The following THUMPD2 variants were observed in gnomAD, a reference collection of about 807,000 sequenced individuals.
THUMPD2 encodes U6 snRNA (guanine-N(2))-methyltransferase THUMPD2.
A neutral mutation model predicts 49.4 loss-of-function variants in THUMPD2; 56 were observed. That is an observed-to-expected ratio of 1.13 (90% CI 0.91 to 1.41). The LOEUF (loss-of-function observed/expected upper bound fraction) is 1.41, where lower values mean the gene tolerates loss of function less well. Ranked by LOEUF, THUMPD2 falls within the 40% of genes most tolerant of loss-of-function variation. The pLI is 0.00. For synonymous variants in THUMPD2, 237 were observed against 205.2 expected, an observed-to-expected ratio of 1.15 and a Z score of -1.32; for missense variants, 709 against 594.5, an observed-to-expected ratio of 1.19 and a Z score of -2.00.
intron 9 of THUMPD2, among the ~76,000 whole-genome samples, chr2:39,738,381 G>A (rs144704534): frequency 6.6e-6 from 1 of 152,060 alleles, no homozygotes; most frequent in African/African-American, 2.4e-5. Context: ...TGGGCAACAT[G>A]GCAAAACATG....
At chr2:39,750,140 G>A (rs1675193723) in intron 8 of THUMPD2, among the ~76,000 whole-genome samples, 1 of 152,132 alleles carries the variant, frequency 6.6e-6, no homozygotes, top group South Asian at 2.1e-4. Context: ...GGGTCAAATG[G>A]TATTTCTGCC....
At chr2:39,776,385 C>A (rs1248282155) in intron 1 of THUMPD2, among the ~76,000 whole-genome samples, 2 of 145,150 alleles carry the variant, frequency 1.4e-5, no homozygotes, top group Non-Finnish European at 1.5e-5. Context: ...CATAGAGACT[C>A]AGTATACTAT....
intron 3 of THUMPD2, 128 bp downstream of exon 3, chr2:39,769,582 A>T: frequency 1.1e-6 from 1 of 907,554 alleles, no homozygotes; most frequent in East Asian, 2.8e-5. Flanking sequence ...CACACCTGTG[A>T]TCCCAGCTAC....
intron 1 of THUMPD2, among the ~76,000 whole-genome samples, chr2:39,772,379 G>C (rs1196387483): frequency 6.6e-6 from 1 of 152,212 alleles, no homozygotes; most frequent in African/African-American, 2.4e-5. Flanking sequence ...TGACAGCACT[G>C]AATTAGCTGG....
intron 6 of THUMPD2, among the ~76,000 whole-genome samples, chr2:39,757,571 T>G (rs1002017474): frequency 6.6e-6 from 1 of 152,218 alleles, no homozygotes; most frequent in African/African-American, 2.4e-5. Context: ...GCTGTGCTCC[T>G]TCTCTCCCAT....
chr2:39,773,912 G>A (rs950205204), intron 1 of THUMPD2, among the ~76,000 whole-genome samples: 1 of 152,156 alleles, frequency 6.6e-6, no homozygotes, highest in African/African-American at 2.4e-5. Flanking sequence ...GCAGGTCCTT[G>A]AATAACACTG....
At chr2:39,770,163 G>C (rs1678120154) in intron 2 of THUMPD2, 44 bp from the exon 3 acceptor site, 1 of 1,343,980 alleles carries the variant, frequency 7.4e-7, no homozygotes, top group Admixed American at 3.1e-5. Flanking sequence ...AAGCTTTAAA[G>C]ACCATCTATT....
chr2:39,752,955 T>C (rs573343696), intron 8 of THUMPD2, among the ~76,000 whole-genome samples: 1 of 152,188 alleles, frequency 6.6e-6, no homozygotes, highest in African/African-American at 2.4e-5. Flanking sequence ...ACTCATGCAC[T>C]GGATCCCATC....
At chr2:39,746,889 CTGTT>C (rs1674669371) in intron 8 of THUMPD2, among the ~76,000 whole-genome samples, 1 of 151,104 alleles carries the variant, frequency 6.6e-6, no homozygotes, top group South Asian at 2.1e-4. Flanking sequence ...CTTGTTCTTT[CTGTT>C]TATTGTCCAG....
chr2:39,777,011 T>C (rs72938145), intron 1 of THUMPD2, among the ~76,000 whole-genome samples: 4,054 of 152,332 alleles, frequency 0.027, 173 homozygotes, highest in African/African-American at 0.091. Flanking sequence ...TAATCTGTTT[T>C]GTAAATTTAC....
At chr2:39,765,215 A>C (rs989712672) in intron 5 of THUMPD2, among the ~76,000 whole-genome samples, 3 of 152,132 alleles carry the variant, frequency 2.0e-5, no homozygotes, top group African/African-American at 7.2e-5. Context: ...GCTGGAGTGC[A>C]ATGGCATGAT....
intron 1 of THUMPD2, among the ~76,000 whole-genome samples, chr2:39,777,920 C>A (rs1471267052): frequency 6.6e-6 from 1 of 152,078 alleles, no homozygotes; most frequent in East Asian, 1.9e-4. Flanking sequence ...CTCTTTCATA[C>A]CAAGCACTCT....
intron 9 of THUMPD2, among the ~76,000 whole-genome samples, chr2:39,741,913 C>G (rs1014137162): frequency 6.6e-6 from 1 of 151,872 alleles, no homozygotes; most frequent in Admixed American, 6.6e-5. Flanking sequence ...ACACACTTCC[C>G]AAAAGGATTT....
chr2:39,779,222 T>C lies in THUMPD2; in HGVS notation c.18A>G (p.Gly6=). ...CAGCCTCAGGCCCGGACCCTGGCTC[T>C]CCACGCGCCTCCGACATGGCGGCTC... is the stretch of plus-strand genomic sequence containing the variant. MSEAR[G]EPGSGPEAGA... Residue 6 remains glycine (G), a synonymous_variant, in exon 1 of 10, where the codon GGA becomes GGG. Coordinates refer to ENST00000505747, the MANE Select transcript of THUMPD2 (RefSeq NM_025264.5). 6.7e-7 allele frequency: 1 copy of C among 1,498,332 alleles called. No individual in the cohort carries two copies. The highest frequency in any genetic ancestry group is 8.8e-7 in the Non-Finnish European group (1 of 1,130,142). 92.8% of individuals were successfully genotyped at this position (1,498,332 alleles called of 1,614,324 possible).
chr2:39,774,915 G>C (rs1258714764), intron 1 of THUMPD2, among the ~76,000 whole-genome samples: 1 of 152,110 alleles, frequency 6.6e-6, no homozygotes. Context: ...TCTATTATCT[G>C]CTAGCATATC....
chr2:39,756,739 G>A (rs528415731), intron 6 of THUMPD2, among the ~76,000 whole-genome samples: 14 of 152,104 alleles, frequency 9.2e-5, no homozygotes, highest in East Asian at 7.7e-4. Context: ...ACAATTATAC[G>A]GTAACAATCA....
chr2:39,757,417 G>C (rs1218355977), intron 6 of THUMPD2: 1 of 1,301,924 alleles, frequency 7.7e-7, no homozygotes, highest in Non-Finnish European at 1.0e-6. Context: ...GCCTTCCCCT[G>C]GTACTAAATT....
chr2:39,740,329 G>T (rs908745237), intron 9 of THUMPD2, among the ~76,000 whole-genome samples: 1 of 152,180 alleles, frequency 6.6e-6, no homozygotes, highest in African/African-American at 2.4e-5. Flanking sequence ...AATGTATATT[G>T]TAACAACTGA....
chr2:39,751,305 A>C (rs940068410), intron 8 of THUMPD2, among the ~76,000 whole-genome samples: 7 of 152,374 alleles, frequency 4.6e-5, no homozygotes, highest in Admixed American at 1.3e-4. Context: ...GTCCTGAAAA[A>C]AGCATGCCAT....
Sources: gnomAD v4.1 joint callset for allele counts (sites outside exome capture counted in the v4.1 genomes callset) on GRCh38, gnomAD v4.1.1 for gene constraint, MANE v1.5 for transcripts, NCBI Gene and HGNC (gene_info 2026-07-23, HGNC 2026-07-21) for gene names.